The following KAZN variants were observed in gnomAD, a reference collection of about 807,000 sequenced individuals.
KAZN encodes kazrin, periplakin interacting protein.
Under a neutral mutation model 87.4 loss-of-function variants are expected in KAZN, and 40 were observed. The observed-to-expected ratio is 0.46, with a 90% CI of 0.36 to 0.60. The LOEUF (loss-of-function observed/expected upper bound fraction) is 0.60. KAZN is among the 20% of genes least tolerant of loss of function. The probability of loss-of-function intolerance (pLI) is 0.00; values close to 1 mark genes in which losing one functional copy is unlikely to be tolerated. For missense variants in KAZN, 898 were observed against 1,073.9 expected, an observed-to-expected ratio of 0.84 and a Z score of 2.29; for synonymous variants, 466 against 458.3, an observed-to-expected ratio of 1.02 and a Z score of -0.22.
intron 1 of KAZN, among the ~76,000 whole-genome samples, chr1:14,687,730 G>T (rs1274388574): frequency 6.6e-6 from 1 of 152,244 alleles, no homozygotes; most frequent in African/African-American, 2.4e-5. Context: ...CAAGTGGGAA[G>T]CAGGGGACTC....
chr1:14,475,861 C>G (rs1668693983), intron 2 of KAZN, among the ~76,000 whole-genome samples: 1 of 151,936 alleles, frequency 6.6e-6, no homozygotes, highest in South Asian at 2.1e-4. Flanking sequence ...TAATTCCTGT[C>G]TTCTCAGATA....
chr1:14,449,400 A>G (rs141596721), intron 2 of KAZN, among the ~76,000 whole-genome samples: 51 of 152,310 alleles, frequency 3.3e-4, no homozygotes, highest in Non-Finnish European at 5.0e-4. Flanking sequence ...TTACAGAACC[A>G]GAATATTTTG....
intron 2 of KAZN, among the ~76,000 whole-genome samples, chr1:14,575,156 G>T (rs1349345770): frequency 6.6e-6 from 1 of 151,902 alleles, no homozygotes; most frequent in South Asian, 2.1e-4. Flanking sequence ...AATAGGTCAT[G>T]GAGGTCACTC....
Position 15,094,876 on chromosome 1 carries a change from AC to A in KAZN, c.1492del (p.Arg498GlyfsTer36). ...GGCCTTGGGGTGTGCAGCTCCCTGCACCGGCGCAAGCTGCGCCTGGCCATCG... is the reference window on the plus strand; with the variant it reads ...GGCCTTGGGGTGTGCAGCTCCCTGCACGGCGCAAGCTGCGCCTGGCCATCG... ...QLGLGVCSSL[H>X]RRKLRLAIED... On this transcript the variant is annotated frameshift_variant, in exon 10 of 15. Transcript: ENST00000376030. LOFTEE classifies it high-confidence loss of function. The surrounding 1 kb of genome is among the most constrained non-coding windows in gnomAD (Gnocchi z 4.5). 1 of 1,550,676 alleles carries A rather than the reference AC, an allele frequency of 6.4e-7. No individual in the cohort carries two copies. Among genetic ancestry groups the A allele is most frequent in the Non-Finnish European group, 8.7e-7 (1 of 1,146,834 alleles).
chr1:14,369,952 G>A (rs1024475459), intron 2 of KAZN, among the ~76,000 whole-genome samples: 4 of 152,252 alleles, frequency 2.6e-5, no homozygotes, highest in African/African-American at 7.2e-5. Context: ...CTGCCTGCTG[G>A]GATTACATGC....
At chr1:15,060,555 G>A (rs936933768) in intron 6 of KAZN, 34 of 504,696 alleles carry the variant, frequency 6.7e-5, no homozygotes, top group Non-Finnish European at 1.1e-4. Context: ...TGGGTCGGCC[G>A]CAGGCACAGC....
At chr1:14,571,947 A>G (rs1409605913) in intron 2 of KAZN, among the ~76,000 whole-genome samples, 2 of 152,214 alleles carry the variant, frequency 1.3e-5, no homozygotes, top group Non-Finnish European at 2.9e-5. Context: ...TCTCTAGTGC[A>G]GAGAAACTGG....
chr1:14,131,402 C>T (rs1570815084), intron 1 of KAZN, among the ~76,000 whole-genome samples: 1 of 152,126 alleles, frequency 6.6e-6, no homozygotes, highest in African/African-American at 2.4e-5. Context: ...TTTTATTAGT[C>T]AATCCGATAC....
At chr1:14,246,220 ATG>A (rs1287350864) in intron 2 of KAZN, among the ~76,000 whole-genome samples, 14 of 152,200 alleles carry the variant, frequency 9.2e-5, no homozygotes, top group African/African-American at 3.4e-4. Flanking sequence ...TAGCTAATGC[ATG>A]CCGGGCTTAA....
At chr1:14,528,035 C>G (rs1379493999) in intron 2 of KAZN, among the ~76,000 whole-genome samples, 1 of 149,252 alleles carries the variant, frequency 6.7e-6, no homozygotes, top group Non-Finnish European at 1.5e-5. Flanking sequence ...ATCTATCTAT[C>G]TATCTATCTA....
intron 2 of KAZN, among the ~76,000 whole-genome samples, chr1:14,545,725 G>T (rs1186397406): frequency 6.6e-6 from 1 of 152,152 alleles, no homozygotes; most frequent in Non-Finnish European, 1.5e-5. Flanking sequence ...GTAGACAGGG[G>T]TCTCTGTTCA....
At chr1:15,031,566 TG>T (rs1313611002) in intron 2 of KAZN, among the ~76,000 whole-genome samples, 2 of 146,064 alleles carry the variant, frequency 1.4e-5, no homozygotes, top group African/African-American at 5.6e-5. Flanking sequence ...TGTTGTGTTG[TG>T]TTGTGTTGTG....
chr1:15,058,361 C>A (rs1638487986), intron 5 of KAZN, among the ~76,000 whole-genome samples: 1 of 152,242 alleles, frequency 6.6e-6, no homozygotes, highest in Non-Finnish European at 1.5e-5. Flanking sequence ...GCTCCTTCAG[C>A]CACCCATCTT....
At chr1:13,921,775 T>G (rs1185398969) in intron 1 of KAZN, among the ~76,000 whole-genome samples, 1 of 151,798 alleles carries the variant, frequency 6.6e-6, no homozygotes, top group Non-Finnish European at 1.5e-5. Flanking sequence ...ACAGGTGTGG[T>G]CACCCGCCAC....
intron 1 of KAZN, among the ~76,000 whole-genome samples, chr1:14,753,846 A>C (rs1644480596): frequency 1.3e-5 from 2 of 152,216 alleles, no homozygotes; most frequent in South Asian, 4.1e-4. Context: ...GGAGGCTGCG[A>C]AGTCCAAGAT....
chr1:14,945,479 A>G (rs1285812358), intron 1 of KAZN, among the ~76,000 whole-genome samples: 2 of 152,082 alleles, frequency 1.3e-5, no homozygotes, highest in Non-Finnish European at 2.9e-5. Flanking sequence ...AAAATCCCAG[A>G]TGGCGCCTTC....
At chr1:15,027,386 C>T (rs1671283066) in intron 2 of KAZN, among the ~76,000 whole-genome samples, 1 of 152,160 alleles carries the variant, frequency 6.6e-6, no homozygotes, top group Non-Finnish European at 1.5e-5. Context: ...GGCCCCAAGC[C>T]AGTGCTTCTA....
intron 1 of KAZN, among the ~76,000 whole-genome samples, chr1:14,761,799 C>A (rs2100547849): frequency 6.6e-6 from 1 of 152,066 alleles, no homozygotes; most frequent in South Asian, 2.1e-4. Context: ...CTAAAAACAC[C>A]AAGAGGAAGG....
chr1:14,005,197 G>A (rs1424282944), intron 1 of KAZN, among the ~76,000 whole-genome samples: 1 of 152,222 alleles, frequency 6.6e-6, no homozygotes, highest in Non-Finnish European at 1.5e-5. Context: ...AGTAGAGCCA[G>A]ACAGTGGAGT....
Sources: gnomAD v4.1 joint callset for allele counts (sites outside exome capture counted in the v4.1 genomes callset) on GRCh38, gnomAD v4.1.1 for gene constraint, Gnocchi (gnomAD v3.1) non-coding constraint, MANE v1.5 for transcripts, NCBI Gene and HGNC (gene_info 2026-07-23, HGNC 2026-07-21) for gene names.